NRG1: variants seen among roughly 807,000 people sequenced by gnomAD.
The protein encoded by NRG1 is pro-neuregulin-1, membrane-bound isoform.
A neutral mutation model predicts 63.8 loss-of-function variants in NRG1; 18 were observed. The observed-to-expected ratio is 0.28, with a 90% CI of 0.19 to 0.42. The LOEUF is 0.42. NRG1 is among the 10% of genes least tolerant of loss of function. The pLI is 1.00. For missense variants in NRG1, 762 were observed against 814.7 expected (o/e 0.94, Z 0.79); for synonymous variants, 302 against 301.3 (o/e 1.00, Z -0.02).
intron 1 of NRG1, among the ~76,000 whole-genome samples, chr8:31,909,494 A>G (rs1832775251): frequency 6.6e-6 from 1 of 152,142 alleles, no homozygotes; most frequent in Non-Finnish European, 1.5e-5. Context: ...AAATAAGATG[A>G]CTTTCAGTCT....
intron 5 of NRG1, among the ~76,000 whole-genome samples, chr8:32,635,883 G>A (rs1851247580): frequency 6.6e-6 from 1 of 152,094 alleles, no homozygotes; most frequent in African/African-American, 2.4e-5. Context: ...ATCTTTTTTA[G>A]GGTGAAAGAG....
At chr8:32,096,210 T>C (rs531739160) in intron 1 of NRG1, among the ~76,000 whole-genome samples, 63 of 152,310 alleles carry the variant, frequency 4.1e-4, no homozygotes, top group African/African-American at 1.5e-3. Flanking sequence ...TGATATGATT[T>C]ATAGTTTCAA....
intron 1 of NRG1, among the ~76,000 whole-genome samples, chr8:32,253,913 C>G (rs1488771481): frequency 6.6e-6 from 1 of 152,084 alleles, no homozygotes; most frequent in African/African-American, 2.4e-5. Context: ...CTGGTTTAGT[C>G]TTGGGAGGGT....
chr8:32,537,569 G>A (rs1451645360), intron 1 of NRG1, among the ~76,000 whole-genome samples: 1 of 152,174 alleles, frequency 6.6e-6, no homozygotes, highest in Non-Finnish European at 1.5e-5. Context: ...AGAGATGTCT[G>A]GGGACACCTG....
At chr8:32,352,390 G>A (rs1312456834) in intron 1 of NRG1, among the ~76,000 whole-genome samples, 8 of 150,428 alleles carry the variant, frequency 5.3e-5, no homozygotes, top group Non-Finnish European at 1.2e-4. Context: ...TGTTAGACGG[G>A]ATTATCTACC....
At chr8:32,522,355 T>C (rs1443306604) in intron 1 of NRG1, among the ~76,000 whole-genome samples, 1 of 152,230 alleles carries the variant, frequency 6.6e-6, no homozygotes, top group Admixed American at 6.5e-5. Flanking sequence ...TTTTCTCTCT[T>C]TACCTCCCCC....
chr8:31,971,942 A>T (rs1318244027), intron 1 of NRG1, among the ~76,000 whole-genome samples: 1 of 152,028 alleles, frequency 6.6e-6, no homozygotes, highest in African/African-American at 2.4e-5. Context: ...ATGGTTAACA[A>T]ATATTCCACA....
At chr8:31,676,983 C>T (rs73237542) in intron 1 of NRG1, among the ~76,000 whole-genome samples, 3,163 of 152,284 alleles carry the variant, frequency 0.021, 45 homozygotes, top group Non-Finnish European at 0.032. Context: ...TAGTCATTGC[C>T]TGCACAGTGC....
chr8:32,763,805 A>G (rs1164220395), exon 12 of NRG1: 6 of 1,595,906 alleles, frequency 3.8e-6, no homozygotes, highest in Non-Finnish European at 5.1e-6. Flanking sequence ...TCCACACGCC[A>G]AGCTCCCCCA....
At chr8:31,791,100 C>T (rs1386148428) in intron 1 of NRG1, among the ~76,000 whole-genome samples, 1 of 150,278 alleles carries the variant, frequency 6.7e-6, no homozygotes, top group Non-Finnish European at 1.5e-5. Context: ...TCCCAGCTAC[C>T]GGGAAGGCTG....
intron 1 of NRG1, among the ~76,000 whole-genome samples, chr8:32,284,968 T>C (rs1853356303): frequency 6.6e-6 from 1 of 152,206 alleles, no homozygotes. Context: ...TGGTGGTGGA[T>C]AACATTTTCC....
intron 1 of NRG1, among the ~76,000 whole-genome samples, chr8:32,249,014 C>T (rs1231995516): frequency 6.6e-6 from 1 of 152,056 alleles, no homozygotes; most frequent in Non-Finnish European, 1.5e-5. Flanking sequence ...GGCTCAATTT[C>T]CTCAACTTCT....
rs116933412 is a variant in NRG1, at chr8:31,899,944, T to C, written c.37+260513T>C. On this transcript the variant is annotated intron_variant, in intron 1 of 10. Transcript: ENST00000519301. ...CTAAATCTTGGTCCTTTATCTCCAATGGGTCTTTGAGGACAAGCACATCTT... is the reference window on the plus strand; with the variant it reads ...CTAAATCTTGGTCCTTTATCTCCAACGGGTCTTTGAGGACAAGCACATCTT... Among the ~76,000 whole-genome samples, 584 of 152,344 alleles carry C rather than the reference T, an allele frequency of 3.8e-3. 1 individual carries two copies. The highest frequency in any genetic ancestry group is 0.024 in the Middle Eastern group (7 of 294).
At chr8:32,655,686 T>C (rs1233663578) in intron 5 of NRG1, among the ~76,000 whole-genome samples, 1 of 152,160 alleles carries the variant, frequency 6.6e-6, no homozygotes, top group African/African-American at 2.4e-5. Flanking sequence ...TACAAATTGG[T>C]TAGAATACAT....
chr8:31,661,155 C>T (rs990854584), intron 1 of NRG1, among the ~76,000 whole-genome samples: 2 of 152,130 alleles, frequency 1.3e-5, no homozygotes, highest in African/African-American at 4.8e-5. Context: ...TTAATGGTTA[C>T]ATCTAAATGG....
intron 5 of NRG1, among the ~76,000 whole-genome samples, chr8:32,681,815 A>G (rs1808720440): frequency 6.6e-6 from 1 of 152,194 alleles, no homozygotes; most frequent in Admixed American, 6.6e-5. Flanking sequence ...ACGGCGACCC[A>G]TTTATTAAGG....
At chr8:32,599,640 T>C (rs1411650519) in intron 2 of NRG1, among the ~76,000 whole-genome samples, 4 of 152,222 alleles carry the variant, frequency 2.6e-5, no homozygotes, top group Non-Finnish European at 4.4e-5. Flanking sequence ...TGTCTGCTTA[T>C]GTCTTTGTTC....
intron 7 of NRG1, among the ~76,000 whole-genome samples, chr8:32,745,336 C>G (rs1359746992): frequency 1.3e-5 from 2 of 152,128 alleles, no homozygotes; most frequent in African/African-American, 4.8e-5. Context: ...ACATTCAAAA[C>G]TTACCAAACT....
intron 1 of NRG1, among the ~76,000 whole-genome samples, chr8:32,314,205 C>A (rs932047806): frequency 3.9e-5 from 5 of 129,410 alleles, no homozygotes; most frequent in South Asian, 5.1e-4. Context: ...AAAAAAAATT[C>A]TTCTTCGGGG....
Sources: allele counts gnomAD v4.1 joint callset (sites outside exome capture counted in the v4.1 genomes callset), GRCh38; gene constraint gnomAD v4.1.1; transcripts MANE v1.5; gene names NCBI Gene and HGNC (gene_info 2026-07-23, HGNC 2026-07-21).